RXFP1: variants seen among roughly 807,000 people sequenced by gnomAD.
RXFP1 encodes the protein relaxin family peptide receptor 1.
RXFP1 carries 73 observed loss-of-function variants against 89.8 expected under a neutral mutation model. The ratio of observed to expected loss-of-function variants is 0.81; its 90% CI spans 0.67 to 0.99. The LOEUF (loss-of-function observed/expected upper bound fraction) is 0.99. Ranked by LOEUF, RXFP1 falls within the 50% of genes least tolerant of loss-of-function variation. The pLI, the probability that RXFP1 is intolerant of heterozygous loss-of-function variation, is 0.00. For synonymous variants in RXFP1, 277 were observed against 305.5 expected, an observed-to-expected ratio of 0.91 and a Z score of 0.97; for missense variants, 793 against 895.5, an observed-to-expected ratio of 0.89 and a Z score of 1.46.
At position 158,561,364 on chromosome 4, in the gene RXFP1, T is replaced by A. The variant is rs561838896; in HGVS notation, c.50-11334T>A. ...GGAAAATTCCACACCTGACCTAATG[T>A]AATTGGTTGCAGCCAAAATGCAGTC... On this transcript the variant is annotated intron_variant, in intron 1 of 17. Coordinates refer to ENST00000307765, the MANE Select transcript of RXFP1 (RefSeq NM_021634.4). Among the ~76,000 whole-genome samples the A allele has an allele frequency of 3.3e-5, 5 of 152,338 alleles. No individual in the cohort carries two copies. The East Asian group carries it at 9.6e-4, about 29-fold the overall frequency.
intron 1 of RXFP1, among the ~76,000 whole-genome samples, chr4:158,555,959 T>C (rs189205620): frequency 2.0e-5 from 3 of 152,122 alleles, no homozygotes; most frequent in African/African-American, 7.2e-5. Context: ...AAATGTAAGA[T>C]GCAAAACTAT....
intron 12 of RXFP1, among the ~76,000 whole-genome samples, chr4:158,633,814 C>T (rs190654724): frequency 2.9e-4 from 44 of 152,298 alleles, no homozygotes; most frequent in Admixed American, 9.8e-4. Context: ...GCCTATTCTA[C>T]TTAGCATACT....
chr4:158,590,953 G>C (rs1355158286), intron 2 of RXFP1, among the ~76,000 whole-genome samples: 1 of 152,174 alleles, frequency 6.6e-6, no homozygotes, highest in Non-Finnish European at 1.5e-5. Flanking sequence ...AGAAGCATTT[G>C]CTTCTGTCAC....
chr4:158,622,047 A>G (rs1765716754), intron 9 of RXFP1, among the ~76,000 whole-genome samples: 1 of 152,246 alleles, frequency 6.6e-6, no homozygotes, highest in Non-Finnish European at 1.5e-5. Flanking sequence ...GCGGTGGCTT[A>G]CGCCTGTAAT....
At chr4:158,580,241 G>A (rs1757080441) in intron 2 of RXFP1, among the ~76,000 whole-genome samples, 1 of 152,160 alleles carries the variant, frequency 6.6e-6, no homozygotes, top group Non-Finnish European at 1.5e-5. Flanking sequence ...TGCCTCCGGG[G>A]TGTGTGGGCT....
At chr4:158,632,027 G>A (rs1470928056) in intron 11 of RXFP1, among the ~76,000 whole-genome samples, 1 of 152,146 alleles carries the variant, frequency 6.6e-6, no homozygotes, top group Non-Finnish European at 1.5e-5. Context: ...GGGAGGTGGA[G>A]GTTGCAGTGA....
chr4:158,582,102 G>A (rs1263993497), intron 2 of RXFP1, among the ~76,000 whole-genome samples: 1 of 152,074 alleles, frequency 6.6e-6, no homozygotes, highest in Non-Finnish European at 1.5e-5. Context: ...ATCCAAACTA[G>A]GACCCACCTC....
chr4:158,592,393 G>T (rs1759664236), intron 2 of RXFP1, among the ~76,000 whole-genome samples: 2 of 152,042 alleles, frequency 1.3e-5, no homozygotes, highest in Non-Finnish European at 2.9e-5. Flanking sequence ...GGCCAACATG[G>T]TGAAACCCCG....
At chr4:158,588,742 A>G (rs1303639965) in intron 2 of RXFP1, among the ~76,000 whole-genome samples, 1 of 152,208 alleles carries the variant, frequency 6.6e-6, no homozygotes, top group Non-Finnish European at 1.5e-5. Context: ...GGGTCAATCT[A>G]CAGCATATTC....
At chr4:158,601,704 G>A (rs1449180248) in intron 4 of RXFP1, among the ~76,000 whole-genome samples, 1 of 152,168 alleles carries the variant, frequency 6.6e-6, no homozygotes, top group East Asian at 1.9e-4. Context: ...CAGACTTTGA[G>A]TTGGAACTAT....
At chr4:158,618,905 T>C (rs1449645029) in intron 9 of RXFP1, among the ~76,000 whole-genome samples, 2 of 152,110 alleles carry the variant, frequency 1.3e-5, no homozygotes, top group Non-Finnish European at 2.9e-5. Context: ...GATATGGCAA[T>C]AGCCAAAGGT....
chr4:158,604,203 G>GTTA (rs778907616), intron 4 of RXFP1, among the ~76,000 whole-genome samples: 18 of 152,030 alleles, frequency 1.2e-4, no homozygotes, highest in Non-Finnish European at 2.6e-4. Flanking sequence ...CCTGAGTTAA[G>GTTA]TTAACCTCCA....
intron 1 of RXFP1, among the ~76,000 whole-genome samples, chr4:158,523,087 C>G (rs1361682770): frequency 2.0e-5 from 3 of 152,178 alleles, no homozygotes; most frequent in African/African-American, 7.2e-5. Flanking sequence ...GGGAAATATT[C>G]TAGTCCTAGC....
Position 158,648,481 on chromosome 4 carries a change from T to C in RXFP1, c.1757-18T>C. The stretch of plus-strand genomic sequence containing the variant: ...AAATATTTCTATGCATTAATAATAC[T>C]GTTTGTATTCCAAATAGGTATTAAT... On this transcript the variant is annotated intron_variant, in intron 16 of 17. Transcript: ENST00000307765. 1 of 1,423,048 alleles carries C rather than the reference T, an allele frequency of 7.0e-7. No individual in the cohort carries two copies. Among genetic ancestry groups the C allele is most frequent in the Non-Finnish European group, 9.7e-7 (1 of 1,026,466 alleles). 88.2% of individuals were successfully genotyped at this position (1,423,048 alleles called of 1,614,324 possible).
intron 2 of RXFP1, among the ~76,000 whole-genome samples, chr4:158,579,274 G>GT (rs1268499983): frequency 1.3e-5 from 2 of 151,928 alleles, no homozygotes; most frequent in Non-Finnish European, 2.9e-5. Flanking sequence ...TCTTGTTCTT[G>GT]TTTTTTTGTT....
intron 14 of RXFP1, among the ~76,000 whole-genome samples, chr4:158,641,698 A>G (rs1341644165): frequency 1.3e-5 from 2 of 152,230 alleles, no homozygotes; most frequent in African/African-American, 4.8e-5. Flanking sequence ...CTCTTTATAC[A>G]CTAAAGATCG....
At chr4:158,568,121 C>T (rs1754103323) in intron 1 of RXFP1, among the ~76,000 whole-genome samples, 1 of 152,184 alleles carries the variant, frequency 6.6e-6, no homozygotes, top group Non-Finnish European at 1.5e-5. Context: ...CAGCTTCACT[C>T]CTGAGCCAGT....
At chr4:158,612,947 C>G (rs951234928) in intron 8 of RXFP1, among the ~76,000 whole-genome samples, 1 of 152,204 alleles carries the variant, frequency 6.6e-6, no homozygotes, top group Non-Finnish European at 1.5e-5. Flanking sequence ...ACTGTCTATA[C>G]AGGCAGACCT....
intron 2 of RXFP1, among the ~76,000 whole-genome samples, chr4:158,581,443 C>T (rs1757342982): frequency 6.6e-6 from 1 of 152,144 alleles, no homozygotes; most frequent in Admixed American, 6.5e-5. Context: ...GTAGTAGGGC[C>T]TTCAAACAAA....
Sources: gnomAD v4.1 joint callset for allele counts (sites outside exome capture counted in the v4.1 genomes callset) on GRCh38, gnomAD v4.1.1 for gene constraint, MANE v1.5 for transcripts, NCBI Gene and HGNC (gene_info 2026-07-23, HGNC 2026-07-21) for gene names.